The following PPFIBP1 variants were observed in gnomAD, a reference collection of about 807,000 sequenced individuals.
PPFIBP1 encodes the protein PPFIB scaffold protein 1.
A neutral mutation model predicts 137.8 loss-of-function variants in PPFIBP1; 112 were observed. The ratio of observed to expected loss-of-function variants is 0.81; its 90% CI spans 0.70 to 0.95. The LOEUF (loss-of-function observed/expected upper bound fraction) is 0.95, where lower values mean the gene tolerates loss of function less well. PPFIBP1 is among the 40% of genes least tolerant of loss of function. PPFIBP1 has a pLI of 0.00. For synonymous variants in PPFIBP1, 378 were observed against 417.3 expected (o/e 0.91, Z 1.15); for missense variants, 1,083 against 1,196.6 (o/e 0.91, Z 1.40).
intron 10 of PPFIBP1, among the ~76,000 whole-genome samples, chr12:27,659,169 C>T (rs1312298870): frequency 6.6e-6 from 1 of 152,098 alleles, no homozygotes; most frequent in Admixed American, 6.5e-5. Flanking sequence ...TTTTATAGTA[C>T]GAAAACTCAC....
rs182305614 is a variant in PPFIBP1 at position 27,557,432 on chromosome 12, T to C, written c.-123-20720T>C. Among the ~76,000 whole-genome samples, 7 of 152,224 alleles carry C rather than the reference T, an allele frequency of 4.6e-5. No individual in the cohort carries two copies. In the East Asian group the frequency reaches 1.4e-3, roughly 29 times the overall value. On this transcript the variant is annotated intron_variant, in intron 1 of 29. Transcript: ENST00000228425. ...GTGTATTTTTAGTAGAGATGGGGTT[T>C]CACCATGTTAGCCAGGATGGTCTCA... is the stretch of plus-strand genomic sequence containing the variant.
chr12:27,575,278 C>A (rs1476631782), intron 1 of PPFIBP1, among the ~76,000 whole-genome samples: 2 of 152,084 alleles, frequency 1.3e-5, no homozygotes, highest in Non-Finnish European at 2.9e-5. Flanking sequence ...GGTGGCAGAC[C>A]CACATTTGGC....
chr12:27,560,472 C>T (rs145427763), intron 1 of PPFIBP1, among the ~76,000 whole-genome samples: 6 of 152,248 alleles, frequency 3.9e-5, no homozygotes, highest in Non-Finnish European at 8.8e-5. Context: ...AGAGGAAAAG[C>T]TCAGGTGAAC....
intron 19 of PPFIBP1, among the ~76,000 whole-genome samples, chr12:27,679,262 ATT>A (rs1018302935): frequency 5.3e-5 from 8 of 152,130 alleles, no homozygotes; most frequent in South Asian, 2.1e-4. Flanking sequence ...ATCCTATCAC[ATT>A]CTTTTAATCT....
At chr12:27,554,092 A>G (rs1229260326) in intron 1 of PPFIBP1, among the ~76,000 whole-genome samples, 2 of 152,220 alleles carry the variant, frequency 1.3e-5, no homozygotes. Flanking sequence ...GCTTAGATGT[A>G]TATTACGGTA....
chr12:27,664,512 T>A, intron 12 of PPFIBP1, 66 bp downstream of exon 12: 1 of 1,114,900 alleles, frequency 9.0e-7, no homozygotes, highest in Non-Finnish European at 1.3e-6. Flanking sequence ...CTTACACATT[T>A]GGCCTCAATT....
chr12:27,564,966 A>T (rs2049516500), intron 1 of PPFIBP1, among the ~76,000 whole-genome samples: 1 of 152,144 alleles, frequency 6.6e-6, no homozygotes, highest in Non-Finnish European at 1.5e-5. Flanking sequence ...TGCTAGAAAA[A>T]ATGATGAATC....
intron 9 of PPFIBP1, among the ~76,000 whole-genome samples, chr12:27,657,797 C>A (rs898203152): frequency 1.3e-5 from 2 of 152,004 alleles, no homozygotes; most frequent in South Asian, 2.1e-4. Context: ...TCATACTGAT[C>A]ATGCTTTCAG....
intron 1 of PPFIBP1, among the ~76,000 whole-genome samples, chr12:27,545,782 T>A (rs1946174507): frequency 6.6e-6 from 1 of 152,216 alleles, no homozygotes; most frequent in South Asian, 2.1e-4. Context: ...CAGAAGGCTT[T>A]CCTAGGAACG....
Position 27,672,039 on chromosome 12 carries a change from C to T in PPFIBP1, c.1263-388C>T, listed in dbSNP as rs938657671. Among the ~76,000 whole-genome samples, 3 of 152,040 alleles carry T rather than the reference C, an allele frequency of 2.0e-5. No individual in the cohort carries two copies. The East Asian group carries it at 5.8e-4, about 29-fold the overall frequency. ...TGAGCCGAGATCACATCACTCTACTCCAGCCTGGGTGACAGAGCGAGACTC... is the reference window on the plus strand; with the variant it reads ...TGAGCCGAGATCACATCACTCTACTTCAGCCTGGGTGACAGAGCGAGACTC... On this transcript the variant is annotated intron_variant, in intron 14 of 29. Coordinates refer to ENST00000228425, the MANE Select transcript of PPFIBP1 (RefSeq NM_003622.4).
intron 19 of PPFIBP1, 157 bp downstream of exon 19, chr12:27,677,253 G>A (rs1022759161): frequency 1.2e-6 from 1 of 849,496 alleles, no homozygotes; most frequent in African/African-American, 1.7e-5. Context: ...TGCTAAAAAG[G>A]ACTCTGTAGA....
At chr12:27,592,120 C>G (rs1164888682) in intron 2 of PPFIBP1, among the ~76,000 whole-genome samples, 1 of 152,202 alleles carries the variant, frequency 6.6e-6, no homozygotes, top group East Asian at 1.9e-4. Flanking sequence ...TGCATCTTCC[C>G]AGGAGGTTGT....
intron 1 of PPFIBP1, among the ~76,000 whole-genome samples, chr12:27,576,616 G>T (rs958964013): frequency 2.0e-5 from 3 of 152,162 alleles, no homozygotes; most frequent in Non-Finnish European, 4.4e-5. Context: ...TGGGGCTCAG[G>T]CTGGGACTTG....
intron 24 of PPFIBP1, among the ~76,000 whole-genome samples, chr12:27,686,563 A>G (rs553432062): frequency 6.6e-6 from 1 of 152,328 alleles, no homozygotes; most frequent in Non-Finnish European, 1.5e-5. Flanking sequence ...GATTGATTAT[A>G]GTTGTGCCAA....
At chr12:27,649,543 T>TTTTTA (rs1260881384) in intron 6 of PPFIBP1, among the ~76,000 whole-genome samples, 58 of 152,134 alleles carry the variant, frequency 3.8e-4, no homozygotes, top group Admixed American at 2.0e-3. Context: ...GAATAGTTCT[T>TTTTTA]TTTTATTTTA....
At chr12:27,664,510 T>C in intron 12 of PPFIBP1, 64 bp downstream of exon 12, 1 of 1,139,450 alleles carries the variant, frequency 8.8e-7, no homozygotes, top group Non-Finnish European at 1.3e-6. Flanking sequence ...AACTTACACA[T>C]TTGGCCTCAA....
intron 1 of PPFIBP1, among the ~76,000 whole-genome samples, chr12:27,524,604 C>T (rs1170637012): frequency 6.6e-6 from 1 of 151,920 alleles, no homozygotes; most frequent in Admixed American, 6.6e-5. Context: ...ACGTTTAGGT[C>T]TTGTCTGTAT....
chr12:27,555,914 A>T (rs534068868), intron 1 of PPFIBP1, among the ~76,000 whole-genome samples: 4 of 152,326 alleles, frequency 2.6e-5, no homozygotes, highest in Non-Finnish European at 5.9e-5. Flanking sequence ...AAAAGCAATT[A>T]CTTATTTGTC....
At chr12:27,666,921 G>A (rs1437950340) in intron 12 of PPFIBP1, among the ~76,000 whole-genome samples, 1 of 152,064 alleles carries the variant, frequency 6.6e-6, no homozygotes, top group Non-Finnish European at 1.5e-5. Flanking sequence ...TCAATGTATC[G>A]AGTATGACTT....
Sources: allele counts gnomAD v4.1 joint callset (sites outside exome capture counted in the v4.1 genomes callset), GRCh38; gene constraint gnomAD v4.1.1; transcripts MANE v1.5; gene names NCBI Gene and HGNC (gene_info 2026-07-23, HGNC 2026-07-21).